Variants in DNAH1 observed in about 807,000 individuals in gnomAD.
The protein encoded by DNAH1 is axonemal beta dynein heavy chain 1.
In DNAH1, 327 loss-of-function variants were observed where a neutral mutation model predicts 484.3. The observed-to-expected ratio is 0.68, with a 90% CI of 0.62 to 0.74. DNAH1 has a LOEUF of 0.74. Ranked by LOEUF, DNAH1 falls within the 30% of genes least tolerant of loss-of-function variation. DNAH1 has a pLI of 0.00. For missense variants in DNAH1, 5,052 were observed against 5,546.8 expected, an observed-to-expected ratio of 0.91 and a Z score of 2.83; for synonymous variants, 2,192 against 2,191.9, an observed-to-expected ratio of 1.00 and a Z score of 0.00.
chr3:52,331,179 A>G lies in DNAH1; in HGVS notation c.903A>G (p.Lys301=). Residue 301 remains lysine (K), a synonymous_variant, in exon 7 of 78, where the codon AAA becomes AAG. Transcript: ENST00000420323. Reference sequence around the variant, plus strand: ...CCAAGAGTCAGAAGCTGAAGTACAAATGGTGCGAGGTCGGCGTCCTGGACT... The same window carrying G: ...CCAAGAGTCAGAAGCTGAAGTACAAGTGGTGCGAGGTCGGCGTCCTGGACT... The part of the protein sequence containing the change: ...EDPKSQKLKY[K]WCEVGVLDYD... The G allele has an allele frequency of 6.2e-7, 1 of 1,603,030 alleles. No individual in the cohort carries two copies. The highest frequency in any genetic ancestry group is 8.5e-7 in the Non-Finnish European group (1 of 1,174,658).
chr3:52,331,619 C>CT (rs36097098), intron 7 of DNAH1, among the ~76,000 whole-genome samples: 3,240 of 111,142 alleles, frequency 0.029, 79 homozygotes, highest in Non-Finnish European at 0.04. Flanking sequence ...AAATACTTTT[C>CT]TTTTTTTTTT....
intron 36 of DNAH1, among the ~76,000 whole-genome samples, chr3:52,367,995 C>A (rs1703157153): frequency 1.3e-5 from 2 of 152,154 alleles, no homozygotes; most frequent in African/African-American, 4.8e-5. Context: ...ACAGCATGGG[C>A]CAGTGGGAAT....
Position 52,352,061 on chromosome 3 carries a change from C to G in DNAH1, c.2829C>G (p.Ile943Met). The change falls in exon 17 of 78, where the codon ATC (isoleucine) becomes ATG (methionine). Residue 943 changes from isoleucine (I) to methionine (M), a missense_variant. Physicochemically the swap from Ile to Met is conservative, Grantham distance 10 (BLOSUM62 1). Around this residue, in one of 4 missense-constraint regions of DNAH1, gnomAD observed 1,263 missense variants for 1,218.8 expected, o/e 1.04. Coordinates refer to ENST00000420323, the MANE Select transcript of DNAH1 (RefSeq NM_015512.5). ...AGGAGAAGTTCCGCAAAATCCAGAT[C>G]ATGGATCAGAACAACTTCCAAGAGA... is the stretch of plus-strand genomic sequence containing the variant. ...EDEEKFRKIQ[I>M]MDQNNFQEKL... The G allele has an allele frequency of 6.3e-7, 1 of 1,588,064 alleles. No homozygotes were observed.
intron 6 of DNAH1, among the ~76,000 whole-genome samples, chr3:52,328,623 A>G (rs910017198): frequency 6.6e-6 from 1 of 152,268 alleles, no homozygotes; most frequent in Non-Finnish European, 1.5e-5. Context: ...GGCCTTGTCA[A>G]TAATCTGCCC....
chr3:52,353,176 TGC>T lies in DNAH1; in HGVS notation c.3104_3105del (p.Arg1035LeufsTer8). 1 of 1,613,990 alleles carries T rather than the reference TGC, an allele frequency of 6.2e-7. No homozygotes were observed. ...CTTTGGACCACAGCGTCTGACTGGC[TGC>T]GCTGGTCGGAGAGCTGGATGAATGA... On this transcript the variant is annotated frameshift_variant, in exon 19 of 78. Transcript: ENST00000420323. LOFTEE classifies it high-confidence loss of function. The surrounding 1 kb of genome is among the most constrained non-coding windows in gnomAD (Gnocchi z 5.0).
intron 4 of DNAH1, 53 bp downstream of exon 4, chr3:52,326,367 C>T: frequency 1.3e-6 from 2 of 1,561,152 alleles, no homozygotes; most frequent in Non-Finnish European, 1.7e-6. Flanking sequence ...ATCCACCCGC[C>T]TCAGGGGATG....
Position 52,359,304 on chromosome 3 carries a change from A to C in DNAH1, c.4325A>C (p.Gln1442Pro). The C allele has an allele frequency of 6.4e-7, 1 of 1,569,760 alleles. No individual in the cohort carries two copies. The highest frequency in any genetic ancestry group is 8.6e-7 in the Non-Finnish European group (1 of 1,156,662). The change falls in exon 26 of 78, where the codon CAG (glutamine) becomes CCG (proline). Residue 1442 changes from glutamine (Q) to proline (P), a missense_variant. Gln to Pro is a moderately conservative substitution (Grantham distance 76, BLOSUM62 -1). Transcript: ENST00000420323. ...WPGQVTIAGC[Q>P]TYWTMEVAEA... is the part of the protein sequence containing the mutation. Reference sequence around the variant, plus strand: ...GGCCAGGTGACCATCGCTGGGTGCCAGACCTACTGGACCATGGAGGTGGCA... The same window carrying C: ...GGCCAGGTGACCATCGCTGGGTGCCCGACCTACTGGACCATGGAGGTGGCA...
Position 52,353,891 on chromosome 3 carries a change from C to T in DNAH1, c.3480+258C>T. On this transcript the variant is annotated intron_variant, in intron 20 of 77. Transcript: ENST00000420323. The surrounding 1 kb of genome is among the most constrained non-coding windows in gnomAD (Gnocchi z 5.0). ...AGGAAGGAGCTAATAGCATTAGCCT[C>T]AATTTAACAGATGTGTCAGGCCGGG... 1 of 498,732 alleles carries T rather than the reference C, an allele frequency of 2.0e-6. No homozygotes were observed. The highest frequency in any genetic ancestry group is 3.6e-6 in the Non-Finnish European group (1 of 277,882). 30.9% of individuals were successfully genotyped at this position (498,732 alleles called of 1,614,324 possible). A position where few individuals can be genotyped will look rare whatever the true frequency, so the allele number is the denominator to read the frequency against.
At chr3:52,360,456 T>TAGAGGGAGGCCAGA (rs1208311502) in intron 28 of DNAH1, 32 bp downstream of exon 28, 1 of 1,564,678 alleles carries the variant, frequency 6.4e-7, no homozygotes. Context: ...CTTCCCACAC[T>TAGAGGGAGGCCAGA]GAGACCCTCC....
In DNAH1 at chr3:52,388,450, G is replaced by A; in HGVS notation, c.9204G>A (p.Gly3068=). ...QALLEAQDDL[G]VTQRILDEAK... is the part of the protein sequence containing the mutation. ...TGCTGGAGGCCCAGGATGACCTGGGGGTGACACAGAGGATCCTGGATGAGG... is the reference window on the plus strand; with the variant it reads ...TGCTGGAGGCCCAGGATGACCTGGGAGTGACACAGAGGATCCTGGATGAGG... Residue 3068 remains glycine (G), a synonymous_variant, in exon 58 of 78, where the codon GGG becomes GGA. Transcript: ENST00000420323. The A allele has an allele frequency of 6.2e-7, 1 of 1,612,778 alleles. No homozygotes were observed. The highest frequency in any genetic ancestry group is 8.5e-7 in the Non-Finnish European group (1 of 1,179,408).
At position 52,344,635 on chromosome 3, in the gene DNAH1, G is replaced by C; in HGVS notation, c.1432G>C (p.Val478Leu). The C allele has an allele frequency of 6.2e-7, 1 of 1,613,278 alleles. No homozygotes were observed. Among genetic ancestry groups the C allele is most frequent in the Non-Finnish European group, 8.5e-7 (1 of 1,179,732 alleles). Residue 478 changes from valine (V) to leucine (L), a missense_variant, in exon 9 of 78, where the codon GTG becomes CTG. Val to Leu is a conservative substitution (Grantham distance 32). Around this residue, in one of 4 missense-constraint regions of DNAH1, gnomAD observed 1,263 missense variants for 1,218.8 expected, o/e 1.04. Coordinates refer to ENST00000420323, the MANE Select transcript of DNAH1 (RefSeq NM_015512.5). ...VTLPKKEEEQ[V>L]PERGLVSVPK... ...CCTCCCCAAGAAGGAGGAGGAGCAG[G>C]TGCCTGAGCGAGGTGAGGGTCACTG...
At position 52,383,479 on chromosome 3, in the gene DNAH1, G is replaced by A. The variant is rs756765619; in HGVS notation, c.8035G>A (p.Val2679Ile). The stretch of plus-strand genomic sequence containing the variant: ...TACTGCGGACGAGCAGGACCAGATC[G>A]TCAGCACCATGCGGCCCTATATCCA... ...LYTADEQDQI[V>I]STMRPYIQEQ... The change falls in exon 51 of 78, where the codon GTC becomes ATC. Residue 2679 changes from valine (V) to isoleucine (I), a missense_variant. Transcript: ENST00000420323. The A allele has an allele frequency of 7.4e-6, 12 of 1,613,864 alleles. No homozygotes were observed. Among genetic ancestry groups the A allele is most frequent in the African/African-American group, 1.3e-5 (1 of 74,932 alleles).
Position 52,399,731 on chromosome 3 carries a change from G to C in DNAH1, c.12628G>C (p.Asp4210His). 6.2e-7 allele frequency: 1 copy of C among 1,613,996 alleles called. No homozygotes were observed. The highest frequency in any genetic ancestry group is 1.1e-5 in the South Asian group (1 of 91,076). Residue 4210 changes from aspartate to histidine, a missense_variant, in exon 77 of 78, where the codon GAC (aspartate) becomes CAC (histidine). Physicochemically the swap from Asp to His is moderately conservative, Grantham distance 81. This residue lies in a region of DNAH1 where 853 missense variants were observed against 899.0 expected (regional missense o/e 0.95). Transcript: ENST00000420323. ...GCCAACACCCAACCGCAAGGCCCAG[G>C]ACCAGGACTTTTACCTGTGCCCCAT... Reference protein sequence around the residue: ...LLPTPNRKAQDQDFYLCPIYK... With the variant: ...LLPTPNRKAQHQDFYLCPIYK...
In DNAH1 at chr3:52,353,914, G is replaced by C; in HGVS notation, c.3480+281G>C. 2.3e-6 allele frequency: 1 copy of C among 425,958 alleles called. No homozygotes were observed. The highest frequency in any genetic ancestry group is 2.3e-5 in the South Asian group (1 of 43,944). The allele number at this position is 425,958 out of a possible 1,614,324, so 26.4% of individuals were successfully genotyped here. ...CTCAATTTAACAGATGTGTCAGGCCGGGTGCAGTGACACATGCCTGTAAAT... is the reference window on the plus strand; with the variant it reads ...CTCAATTTAACAGATGTGTCAGGCCCGGTGCAGTGACACATGCCTGTAAAT... On this transcript the variant is annotated intron_variant, in intron 20 of 77. Transcript: ENST00000420323. The surrounding 1 kb of genome is among the most constrained non-coding windows in gnomAD (Gnocchi z 5.0).
intron 8 of DNAH1, among the ~76,000 whole-genome samples, chr3:52,337,402 G>A (rs541589875): frequency 6.6e-5 from 10 of 152,144 alleles, no homozygotes; most frequent in African/African-American, 1.9e-4. Flanking sequence ...TATTATTTCC[G>A]TTTGCCTGAG....
Position 52,381,192 on chromosome 3 carries a change from A to G in DNAH1, c.7609-448A>G, listed in dbSNP as rs1703828475. ...CTTGGCTTACTGCAGCCTCTACCTC[A>G]TGGGCTCTATCAGTCGTCCCACCTC... On this transcript the variant is annotated intron_variant, in intron 48 of 77. Transcript: ENST00000420323. The surrounding 1 kb of genome is among the most constrained non-coding windows in gnomAD (Gnocchi z 4.1). 6.6e-6 allele frequency among the ~76,000 whole-genome samples: 1 copy of G among 152,128 alleles called. No individual in the cohort carries two copies. The highest frequency in any genetic ancestry group is 2.1e-4 in the South Asian group (1 of 4,828).
chr3:52,361,359 C>A lies in DNAH1; in HGVS notation c.4874+7C>A. On this transcript the variant is annotated splice_region_variant and intron_variant, in intron 29 of 77. Coordinates refer to ENST00000420323, the MANE Select transcript of DNAH1 (RefSeq NM_015512.5). This position sits in a 1 kb window ranked among gnomAD's most constrained non-coding sequence, Gnocchi z 5.6. ...TCTTCAAGGGCCTGGCCAGGTGAGGCTGGGCATGAGCGTGGCACAGGATGG... is the reference window on the plus strand; with the variant it reads ...TCTTCAAGGGCCTGGCCAGGTGAGGATGGGCATGAGCGTGGCACAGGATGG... The A allele has an allele frequency of 6.4e-7, 1 of 1,568,588 alleles. No individual in the cohort carries two copies. Among genetic ancestry groups the A allele is most frequent in the Non-Finnish European group, 8.7e-7 (1 of 1,155,644 alleles).
intron 12 of DNAH1, 137 bp from the exon 13 acceptor site, chr3:52,348,751 A>G (rs1578116365): frequency 1.1e-6 from 1 of 871,676 alleles, no homozygotes; most frequent in African/African-American, 1.7e-5. Flanking sequence ...GTATTTGGTC[A>G]CCCTGCCACC....
In DNAH1 at chr3:52,359,285, G is replaced by A; in HGVS notation, c.4306G>A (p.Val1436Met). ...TQWVLNWPGQ[V>M]TIAGCQTYWT... ...GTGGGTTCTGAACTGGCCTGGCCAGGTGACCATCGCTGGGTGCCAGACCTA... is the reference window on the plus strand; with the variant it reads ...GTGGGTTCTGAACTGGCCTGGCCAGATGACCATCGCTGGGTGCCAGACCTA... Residue 1436 changes from valine (V) to methionine (M), a missense_variant, in exon 26 of 78, where the codon GTG (valine) becomes ATG (methionine). Around this residue, in one of 4 missense-constraint regions of DNAH1, gnomAD observed 2,929 missense variants for 3,409.4 expected, o/e 0.86. Transcript: ENST00000420323. 6.4e-7 allele frequency: 1 copy of A among 1,569,040 alleles called. No individual in the cohort carries two copies. The highest frequency in any genetic ancestry group is 8.6e-7 in the Non-Finnish European group (1 of 1,156,230).
Sources: gnomAD v4.1 joint callset for allele counts (sites outside exome capture counted in the v4.1 genomes callset) on GRCh38, gnomAD v4.1.1 for gene constraint, gnomAD v4.1.1 regional missense constraint, Gnocchi (gnomAD v3.1) non-coding constraint, MANE v1.5 for transcripts, NCBI Gene and HGNC (gene_info 2026-07-23, HGNC 2026-07-21) for gene names.